The following RABGAP1L variants were observed in gnomAD, a reference collection of about 807,000 sequenced individuals.
RABGAP1L encodes RAB GTPase activating protein 1 like, also known as rab GTPase-activating protein 1-like.
Under a neutral mutation model 137.7 loss-of-function variants are expected in RABGAP1L, and 63 were observed. The ratio of observed to expected loss-of-function variants is 0.46; its 90% CI spans 0.37 to 0.56. RABGAP1L has a LOEUF of 0.56. Among genes scored for constraint, RABGAP1L ranks in the 20% least tolerant of loss-of-function variants. RABGAP1L has a pLI of 0.00. For missense variants in RABGAP1L, 1,095 were observed against 1,244.0 expected, an observed-to-expected ratio of 0.88 and a Z score of 1.80; for synonymous variants, 431 against 433.7, an observed-to-expected ratio of 0.99 and a Z score of 0.08.
intron 13 of RABGAP1L, among the ~76,000 whole-genome samples, chr1:174,400,136 C>G (rs987351716): frequency 6.6e-6 from 1 of 152,134 alleles, no homozygotes; most frequent in Non-Finnish European, 1.5e-5. Flanking sequence ...GTATGGCTAT[C>G]AATACATCAA....
intron 18 of RABGAP1L, among the ~76,000 whole-genome samples, chr1:174,795,381 A>C (rs1688170994): frequency 6.6e-6 from 1 of 152,156 alleles, no homozygotes; most frequent in Admixed American, 6.5e-5. Context: ...AATGGAGAGG[A>C]GATGGCACCA....
chr1:174,183,765 A>ATTCC (rs1303075511), intron 1 of RABGAP1L, among the ~76,000 whole-genome samples: 1 of 151,644 alleles, frequency 6.6e-6, no homozygotes, highest in Non-Finnish European at 1.5e-5. Context: ...TCTTCAGCCT[A>ATTCC]TTCCTCCCTC....
At chr1:174,458,698 T>C (rs560197681) in intron 13 of RABGAP1L, among the ~76,000 whole-genome samples, 1 of 152,282 alleles carries the variant, frequency 6.6e-6, no homozygotes, top group African/African-American at 2.4e-5. Context: ...ACTTAGTGTC[T>C]AGTTTCTTTA....
chr1:174,652,654 G>A (rs1475535575), intron 14 of RABGAP1L, among the ~76,000 whole-genome samples: 5 of 152,188 alleles, frequency 3.3e-5, no homozygotes, highest in Admixed American at 1.3e-4. Context: ...ATTGCTTCCT[G>A]TTCCTTCCTC....
At chr1:174,513,316 A>G (rs762918891) in intron 13 of RABGAP1L, among the ~76,000 whole-genome samples, 1 of 152,142 alleles carries the variant, frequency 6.6e-6, no homozygotes, top group Non-Finnish European at 1.5e-5. Flanking sequence ...ATAAACTTTG[A>G]GGCCAGATGC....
At chr1:174,559,594 G>A (rs2148011970) in intron 13 of RABGAP1L, among the ~76,000 whole-genome samples, 1 of 152,232 alleles carries the variant, frequency 6.6e-6, no homozygotes, top group African/African-American at 2.4e-5. Context: ...GTACTGTTGA[G>A]TGAGATTGAA....
At chr1:174,657,793 T>C (rs891784958) in intron 14 of RABGAP1L, among the ~76,000 whole-genome samples, 1 of 152,210 alleles carries the variant, frequency 6.6e-6, no homozygotes, top group African/African-American at 2.4e-5. Flanking sequence ...GTTCTATTTG[T>C]AGTTTTTTTA....
At chr1:174,217,069 A>G (rs989959039) in intron 1 of RABGAP1L, among the ~76,000 whole-genome samples, 1 of 152,070 alleles carries the variant, frequency 6.6e-6, no homozygotes, top group African/African-American at 2.4e-5. Context: ...GATAGATGTG[A>G]GTCTTATTTT....
Position 174,383,357 on chromosome 1 carries a change from G to GA in RABGAP1L, c.1560-10638_1560-10637insA, listed in dbSNP as rs1311985224. On this transcript the variant is annotated intron_variant, in intron 12 of 25. Coordinates refer to ENST00000681986, the MANE Select transcript of RABGAP1L (RefSeq NM_001366446.1). ...CTGGCTGCTTTGTTTACCTAAGCAAGCCTGGGCAATGGCGGGCGCCCCTCC... is the reference window on the plus strand; with the variant it reads ...CTGGCTGCTTTGTTTACCTAAGCAAGACCTGGGCAATGGCGGGCGCCCCTCC... Among the ~76,000 whole-genome samples the GA allele has an allele frequency of 2.6e-5, 4 of 151,900 alleles. 1 individual carries two copies. In the East Asian group the frequency reaches 7.7e-4, roughly 29 times the overall value.
At chr1:174,512,026 A>T (rs1035165630) in intron 13 of RABGAP1L, among the ~76,000 whole-genome samples, 10 of 152,152 alleles carry the variant, frequency 6.6e-5, no homozygotes, top group Admixed American at 3.3e-4. Context: ...GTATAATTGT[A>T]CATATTCATG....
chr1:174,972,650 C>G (rs546424762), intron 21 of RABGAP1L, among the ~76,000 whole-genome samples: 1 of 151,840 alleles, frequency 6.6e-6, no homozygotes, highest in Non-Finnish European at 1.5e-5. Flanking sequence ...CTTAGGAGTT[C>G]GAGACCAGCC....
chr1:174,455,509 G>C (rs1655940698), intron 13 of RABGAP1L, among the ~76,000 whole-genome samples: 1 of 152,012 alleles, frequency 6.6e-6, no homozygotes, highest in African/African-American at 2.4e-5. Context: ...GTGGACTGTA[G>C]CAAGAGATGT....
chr1:174,247,532 C>T (rs1672365892), intron 5 of RABGAP1L, among the ~76,000 whole-genome samples: 1 of 152,228 alleles, frequency 6.6e-6, no homozygotes, highest in African/African-American at 2.4e-5. Flanking sequence ...GCCAGGCCAG[C>T]AACCTATAAT....
chr1:174,404,821 T>A (rs1443310779), intron 13 of RABGAP1L, among the ~76,000 whole-genome samples: 3 of 152,194 alleles, frequency 2.0e-5, no homozygotes, highest in Non-Finnish European at 2.9e-5. Context: ...GGGCAATAGT[T>A]GCAAATATTA....
intron 13 of RABGAP1L, among the ~76,000 whole-genome samples, chr1:174,585,322 C>T (rs903717600): frequency 6.6e-6 from 1 of 152,138 alleles, no homozygotes; most frequent in Non-Finnish European, 1.5e-5. Flanking sequence ...TTTAGGACCC[C>T]CCACCCAAAG....
intron 13 of RABGAP1L, among the ~76,000 whole-genome samples, chr1:174,623,717 T>C (rs1028292589): frequency 2.0e-5 from 3 of 152,312 alleles, no homozygotes; most frequent in African/African-American, 7.2e-5. Context: ...ACCTTTATTC[T>C]CCGGCCTCTC....
chr1:174,280,371 GA>G (rs1366680466), intron 10 of RABGAP1L, among the ~76,000 whole-genome samples: 3 of 152,202 alleles, frequency 2.0e-5, no homozygotes, highest in Non-Finnish European at 4.4e-5. Flanking sequence ...GAAATAAAGA[GA>G]GAATGCATTG....
At chr1:174,463,242 G>A (rs925048997) in intron 13 of RABGAP1L, among the ~76,000 whole-genome samples, 3 of 152,056 alleles carry the variant, frequency 2.0e-5, no homozygotes, top group African/African-American at 7.3e-5. Flanking sequence ...ATTCACAATA[G>A]CAAAGACTTG....
intron 19 of RABGAP1L, among the ~76,000 whole-genome samples, chr1:174,924,385 C>CAAAAAAA (rs10688718): frequency 8.6e-5 from 6 of 70,092 alleles, no homozygotes; most frequent in Admixed American, 3.8e-4. Context: ...GACTCTGTCT[C>CAAAAAAA]AAAAAAAAAA....
Sources: gnomAD v4.1 joint callset for allele counts (sites outside exome capture counted in the v4.1 genomes callset) on GRCh38, gnomAD v4.1.1 for gene constraint, MANE v1.5 for transcripts, NCBI Gene and HGNC (gene_info 2026-07-23, HGNC 2026-07-21) for gene names.